ZNF710: variants seen among roughly 807,000 people sequenced by gnomAD.
The protein encoded by ZNF710 is zinc finger protein 710.
A neutral mutation model predicts 50.6 loss-of-function variants in ZNF710; 13 were observed. The observed-to-expected ratio is 0.26, with a 90% CI of 0.17 to 0.41. The LOEUF is 0.41. ZNF710 is among the 10% of genes least tolerant of loss of function. ZNF710 has a pLI of 1.00. For synonymous variants in ZNF710, 383 were observed against 397.0 expected (o/e 0.96, Z 0.42); for missense variants, 721 against 936.6 (o/e 0.77, Z 3.01).
At chr15:90,048,851 C>T (rs959457576) in intron 1 of ZNF710, among the ~76,000 whole-genome samples, 12 of 152,214 alleles carry the variant, frequency 7.9e-5, no homozygotes, top group African/African-American at 2.7e-4. Flanking sequence ...CTCACAGCCC[C>T]ACAGGCACTG....
At chr15:90,055,432 T>C (rs1400914530) in intron 1 of ZNF710, among the ~76,000 whole-genome samples, 1 of 152,190 alleles carries the variant, frequency 6.6e-6, no homozygotes, top group Non-Finnish European at 1.5e-5. Flanking sequence ...CAGCACGTTG[T>C]GGACTTGTCA....
At chr15:90,057,816 A>G (rs1353236563) in intron 1 of ZNF710, among the ~76,000 whole-genome samples, 3 of 152,128 alleles carry the variant, frequency 2.0e-5, no homozygotes, top group Non-Finnish European at 4.4e-5. Flanking sequence ...GTCTAGAGTG[A>G]GACCCCGGTA....
In ZNF710 at chr15:90,071,658, TTTTA is replaced by T. The variant is rs1567244453; in HGVS notation, c.1459-1401_1459-1398del. On this transcript the variant is annotated intron_variant, in intron 2 of 4. Coordinates refer to ENST00000268154, the MANE Select transcript of ZNF710 (RefSeq NM_198526.4). ...CAGCTCCCAACTTAAAAAAAATTTC[TTTTA>T]TTTATTTATTTTTACTCTTTTTTTT... Among the ~76,000 whole-genome samples the T allele has an allele frequency of 2.6e-5, 4 of 151,266 alleles. No homozygotes were observed. In the South Asian group the frequency reaches 6.3e-4, roughly 24 times the overall value.
intron 1 of ZNF710, among the ~76,000 whole-genome samples, chr15:90,038,401 A>G (rs899787633): frequency 6.6e-6 from 1 of 152,156 alleles, no homozygotes; most frequent in East Asian, 1.9e-4. Context: ...CGTTTTCTTT[A>G]TCTCACTCTC....
intron 1 of ZNF710, among the ~76,000 whole-genome samples, chr15:90,052,639 G>A (rs1899680560): frequency 6.6e-6 from 1 of 152,140 alleles, no homozygotes; most frequent in African/African-American, 2.4e-5. Flanking sequence ...AAATTAAAAC[G>A]TCTATCTTGG....
At chr15:90,012,592 T>C (rs937200252) in intron 1 of ZNF710, among the ~76,000 whole-genome samples, 1 of 152,090 alleles carries the variant, frequency 6.6e-6, no homozygotes, top group Admixed American at 6.6e-5. Flanking sequence ...TTTAATCTTT[T>C]TTTATTCCGG....
Position 90,062,028 on chromosome 15 carries a change from C to G in ZNF710, c.-28-5082C>G, listed in dbSNP as rs750178915. On this transcript the variant is annotated intron_variant, in intron 1 of 4. Coordinates refer to ENST00000268154, the MANE Select transcript of ZNF710 (RefSeq NM_198526.4). This position sits in a 1 kb window ranked among gnomAD's most constrained non-coding sequence, Gnocchi z 5.6. The stretch of plus-strand genomic sequence containing the variant: ...CCTCCCCAGGGGCTGGCCTGGCCCT[C>G]AGGCCTGGGAGGTGGAGGTGCCGAG... Among the ~76,000 whole-genome samples the G allele has an allele frequency of 3.9e-5, 6 of 152,090 alleles. No homozygotes were observed. Among genetic ancestry groups the G allele is most frequent in the Non-Finnish European group, 5.9e-5 (4 of 67,960 alleles).
rs1900050694 is a variant in ZNF710, at chr15:90,062,822, CTGCAT to C, written c.-28-4287_-28-4283del. 6.6e-6 allele frequency among the ~76,000 whole-genome samples: 1 copy of C among 152,170 alleles called. No individual in the cohort carries two copies. Among genetic ancestry groups the C allele is most frequent in the Admixed American group, 6.5e-5 (1 of 15,286 alleles). ...GATTCCCTCCTCAGCAGAGCCCCTT[CTGCAT>C]ACACACACGCGCGCACGCGCACACA... On this transcript the variant is annotated intron_variant, in intron 1 of 4. Transcript: ENST00000268154. This position sits in a 1 kb window ranked among gnomAD's most constrained non-coding sequence, Gnocchi z 5.6.
intron 1 of ZNF710, among the ~76,000 whole-genome samples, chr15:90,021,015 C>G (rs1006735427): frequency 9.5e-6 from 1 of 105,386 alleles, no homozygotes; most frequent in Non-Finnish European, 2.3e-5. Context: ...TGGCACCCCC[C>G]CCCCCTTAGC....
chr15:90,046,726 G>A lies in ZNF710; in HGVS notation c.-28-20384G>A, dbSNP rs551671855. 9.2e-5 allele frequency among the ~76,000 whole-genome samples: 14 copies of A among 152,334 alleles called. No individual in the cohort carries two copies. In the East Asian group the frequency reaches 2.1e-3, roughly 23 times the overall value. On this transcript the variant is annotated intron_variant, in intron 1 of 4. Coordinates refer to ENST00000268154, the MANE Select transcript of ZNF710 (RefSeq NM_198526.4). ...TTGGGTGCTAACACCCACTTCCCAG[G>A]AGGAGGGTCTGGGGCTCCAAAGGGG...
chr15:90,054,746 G>A (rs147608542), intron 1 of ZNF710, among the ~76,000 whole-genome samples: 4 of 152,342 alleles, frequency 2.6e-5, no homozygotes, highest in African/African-American at 7.2e-5. Context: ...ACACGAAGCT[G>A]GTGATCTCTG....
rs1210926807 is a variant in ZNF710, at chr15:90,067,021, A to G, written c.-28-89A>G. 2.1e-6 allele frequency: 3 copies of G among 1,428,378 alleles called. No homozygotes were observed. The East Asian group carries it at 7.3e-5, about 35-fold the overall frequency. The allele number at this position is 1,428,378 out of a possible 1,614,324, so 88.5% of individuals were successfully genotyped here. A position where few individuals can be genotyped will look rare whatever the true frequency, so the allele number is the denominator to read the frequency against. ...AGACATCAGAGCCAGACACACCCAAAATCAGCCAAGCCCTTGTCTGTGCTG... is the reference window on the plus strand; with the variant it reads ...AGACATCAGAGCCAGACACACCCAAGATCAGCCAAGCCCTTGTCTGTGCTG... On this transcript the variant is annotated intron_variant, in intron 1 of 4. Transcript: ENST00000268154. The surrounding 1 kb of genome is among the most constrained non-coding windows in gnomAD (Gnocchi z 8.1).
rs1217008164 is a variant in ZNF710, at chr15:90,008,450, A to G, written c.-29+6836A>G. ...TGTATATATATATATACATATATATATATGTATATATATATACATGAAGTA... is the reference window on the plus strand; with the variant it reads ...TGTATATATATATATACATATATATGTATGTATATATATATACATGAAGTA... On this transcript the variant is annotated intron_variant, in intron 1 of 4. Transcript: ENST00000268154. Among the ~76,000 whole-genome samples, 6 of 142,112 alleles carry G rather than the reference A, an allele frequency of 4.2e-5. No homozygotes were observed. In the South Asian group the frequency reaches 8.4e-4, roughly 20 times the overall value. 93.2% of individuals were successfully genotyped at this position (142,112 alleles called of 152,430 possible). A position where few individuals can be genotyped will look rare whatever the true frequency, so the allele number is the denominator to read the frequency against.
chr15:90,045,183 G>A (rs1315006672), intron 1 of ZNF710, among the ~76,000 whole-genome samples: 9 of 152,156 alleles, frequency 5.9e-5, no homozygotes, highest in Admixed American at 2.6e-4. Flanking sequence ...GCTGGAGGGC[G>A]GAGACTGTTG....
At position 90,081,957 on chromosome 15, in the gene ZNF710, G is replaced by T. The variant is rs1164590928; in HGVS notation, c.*2128G>T. On this transcript the variant is annotated 3_prime_UTR_variant, in exon 5 of 5. Transcript: ENST00000268154. Reference sequence around the variant, plus strand: ...CAGCACAACTCACAGTTTGAGCTGGGGGGTGGTCTTGGCAAGGCTCCTGTC... The same window carrying T: ...CAGCACAACTCACAGTTTGAGCTGGTGGGTGGTCTTGGCAAGGCTCCTGTC... 1 of 152,344 alleles carries T rather than the reference G, an allele frequency of 6.6e-6. No individual in the cohort carries two copies. Among genetic ancestry groups the T allele is most frequent in the African/African-American group, 2.4e-5 (1 of 41,448 alleles). 9.4% of individuals were successfully genotyped at this position (152,344 alleles called of 1,614,324 possible). A position where few individuals can be genotyped will look rare whatever the true frequency, so the allele number is the denominator to read the frequency against.
In ZNF710 at chr15:90,080,001, G is replaced by A. The variant is rs1900684054; in HGVS notation, c.*172G>A. On this transcript the variant is annotated 3_prime_UTR_variant, in exon 5 of 5. Transcript: ENST00000268154. Reference sequence around the variant, plus strand: ...GGGACCTTTAGACCAAATGGAGACTGTACTACTGGCCCCGGCTGTGAGCCA... The same window carrying A: ...GGGACCTTTAGACCAAATGGAGACTATACTACTGGCCCCGGCTGTGAGCCA... 10 of 591,264 alleles carry A rather than the reference G, an allele frequency of 1.7e-5. No individual in the cohort carries two copies. Among genetic ancestry groups the A allele is most frequent in the Middle Eastern group, 9.1e-4 (2 of 2,206 alleles). 36.6% of individuals were successfully genotyped at this position (591,264 alleles called of 1,614,324 possible).
rs190095803 is a variant in ZNF710 at position 90,033,499 on chromosome 15, G to T, written c.-29+31885G>T. 4.1e-3 allele frequency among the ~76,000 whole-genome samples: 631 copies of T among 152,296 alleles called. 4 individuals are homozygous for T. Among genetic ancestry groups the T allele is most frequent in the Middle Eastern group, 6.8e-3 (2 of 294 alleles). Reference sequence around the variant, plus strand: ...TCAGGCAGAAAGGGGTTGGCTCCTAGGCTAGCCGGCTACTCCACGTTGAGC... The same window carrying T: ...TCAGGCAGAAAGGGGTTGGCTCCTATGCTAGCCGGCTACTCCACGTTGAGC... On this transcript the variant is annotated intron_variant, in intron 1 of 4. Coordinates refer to ENST00000268154, the MANE Select transcript of ZNF710 (RefSeq NM_198526.4).
intron 1 of ZNF710, among the ~76,000 whole-genome samples, chr15:90,005,065 GAGA>G (rs897995699): frequency 2.0e-5 from 3 of 152,250 alleles, no homozygotes; most frequent in Non-Finnish European, 2.9e-5. Context: ...CAGGAGAGAA[GAGA>G]AGGAGTGTAA....
intron 1 of ZNF710, among the ~76,000 whole-genome samples, chr15:90,011,802 A>T (rs1898311443): frequency 6.6e-6 from 1 of 151,844 alleles, no homozygotes; most frequent in Admixed American, 6.6e-5. Context: ...TAATGGCTTC[A>T]TCCTTACTCT....
Sources: gnomAD v4.1 joint callset for allele counts (sites outside exome capture counted in the v4.1 genomes callset) on GRCh38, gnomAD v4.1.1 for gene constraint, Gnocchi (gnomAD v3.1) non-coding constraint, MANE v1.5 for transcripts, NCBI Gene and HGNC (gene_info 2026-07-23, HGNC 2026-07-21) for gene names.